The following ARB2A variants were observed in gnomAD, a reference collection of about 807,000 sequenced individuals.
ARB2A encodes cotranscriptional regulator ARB2A.
the ARB2A span, among the ~76,000 whole-genome samples, chr5:93,624,158 C>T: frequency 1.3e-5 from 2 of 152,056 alleles, no homozygotes; most frequent in African/African-American, 4.8e-5. Flanking sequence ...TAGACCATTA[C>T]ATTATTTGTT....
the ARB2A span, among the ~76,000 whole-genome samples, chr5:93,992,346 C>G: frequency 6.6e-6 from 1 of 151,938 alleles, no homozygotes; most frequent in South Asian, 2.1e-4. Context: ...TTATAAGGCT[C>G]TCACATTATA....
chr5:93,938,083 G>A, the ARB2A span, among the ~76,000 whole-genome samples: 11 of 152,184 alleles, frequency 7.2e-5, no homozygotes, highest in South Asian at 4.1e-4. Flanking sequence ...CCACTGCTCC[G>A]TGATATTTAT....
the ARB2A span, among the ~76,000 whole-genome samples, chr5:93,857,535 C>G: frequency 1.3e-5 from 2 of 152,194 alleles, no homozygotes; most frequent in African/African-American, 2.4e-5. Context: ...AGTTTGATCT[C>G]AGACTGCTGG....
chr5:94,108,329 T>C, the ARB2A span, among the ~76,000 whole-genome samples: 14 of 152,064 alleles, frequency 9.2e-5, no homozygotes, highest in Non-Finnish European at 1.2e-4. Context: ...ACTGTTTTCA[T>C]GGCAATTTGA....
the ARB2A span, among the ~76,000 whole-genome samples, chr5:94,086,837 G>A: frequency 6.6e-6 from 1 of 152,200 alleles, no homozygotes; most frequent in Non-Finnish European, 1.5e-5. Flanking sequence ...ACAGGAGTGA[G>A]CCACTGACCC....
At chr5:94,089,261 G>A in the ARB2A span, among the ~76,000 whole-genome samples, 27 of 152,240 alleles carry the variant, frequency 1.8e-4, no homozygotes, top group African/African-American at 4.8e-4. Flanking sequence ...TGTTTCAAGT[G>A]TCCTTTATTG....
the ARB2A span, among the ~76,000 whole-genome samples, chr5:93,931,773 C>G: frequency 4.6e-5 from 7 of 152,014 alleles, no homozygotes; most frequent in East Asian, 1.4e-3. Context: ...CTGAGAAGCC[C>G]CTATCATAAA....
the ARB2A span, among the ~76,000 whole-genome samples, chr5:94,033,258 C>T: frequency 6.6e-6 from 1 of 152,064 alleles, no homozygotes; most frequent in African/African-American, 2.4e-5. Context: ...GCCTGTTCTG[C>T]CATTGTATTT....
At chr5:93,682,830 T>C in the ARB2A span, 4 of 1,300,456 alleles carry the variant, frequency 3.1e-6, 1 homozygote, top group Admixed American at 6.7e-5. Flanking sequence ...TTGTTTAAAC[T>C]ATTTTCTTAA....
the ARB2A span, among the ~76,000 whole-genome samples, chr5:93,676,601 C>T: frequency 2.0e-5 from 3 of 152,130 alleles, no homozygotes; most frequent in African/African-American, 7.2e-5. Context: ...CTCATATGAA[C>T]AAATACCATA....
the ARB2A span, among the ~76,000 whole-genome samples, chr5:93,833,618 TTGAGCTGTCTA>T: frequency 6.6e-6 from 1 of 152,114 alleles, no homozygotes; most frequent in Admixed American, 6.5e-5. Flanking sequence ...CTAAAAGCAG[TTGAGCTGTCTA>T]TTGATGGTTG....
At chr5:93,932,915 T>A in the ARB2A span, among the ~76,000 whole-genome samples, 1 of 152,190 alleles carries the variant, frequency 6.6e-6, no homozygotes, top group Non-Finnish European at 1.5e-5. Flanking sequence ...GACAAAGGGC[T>A]AATATCCAGA....
chr5:93,939,231 T>C, the ARB2A span, among the ~76,000 whole-genome samples: 1 of 152,168 alleles, frequency 6.6e-6, no homozygotes, highest in Middle Eastern at 3.2e-3. Flanking sequence ...CATATTTCCA[T>C]GCATGTAGGC....
At chr5:93,996,526 C>A in the ARB2A span, among the ~76,000 whole-genome samples, 1 of 151,944 alleles carries the variant, frequency 6.6e-6, no homozygotes, top group Admixed American at 6.6e-5. Context: ...GTTCACAAAT[C>A]CAAGTCAGAT....
At chr5:94,040,264 G>A in the ARB2A span, among the ~76,000 whole-genome samples, 1 of 152,256 alleles carries the variant, frequency 6.6e-6, no homozygotes, top group African/African-American at 2.4e-5. Context: ...TGGGACATGG[G>A]GAGCTTTTTC....
the ARB2A span, among the ~76,000 whole-genome samples, chr5:93,940,732 T>C: frequency 7.9e-5 from 12 of 152,202 alleles, no homozygotes; most frequent in East Asian, 1.7e-3. Context: ...TTTGTAAATA[T>C]AATACATTTA....
At chr5:93,948,889 C>T in the ARB2A span, among the ~76,000 whole-genome samples, 1 of 152,174 alleles carries the variant, frequency 6.6e-6, no homozygotes, top group Non-Finnish European at 1.5e-5. Context: ...CCTTTCACCT[C>T]TAAGCAGTGA....
chr5:93,846,120 T>G, the ARB2A span, among the ~76,000 whole-genome samples: 1 of 152,200 alleles, frequency 6.6e-6, no homozygotes, highest in African/African-American at 2.4e-5. Context: ...TATTTGTCCA[T>G]GAGAGTCCTG....
At chr5:93,670,211 C>T in the ARB2A span, among the ~76,000 whole-genome samples, 1 of 152,192 alleles carries the variant, frequency 6.6e-6, no homozygotes, top group African/African-American at 2.4e-5. Flanking sequence ...CTTAAGTGGT[C>T]AGCTGCTTAC....
Sources: gnomAD v4.1 joint callset for allele counts (sites outside exome capture counted in the v4.1 genomes callset) on GRCh38, gnomAD v4.1.1 for gene constraint, MANE v1.5 for transcripts, NCBI Gene and HGNC (gene_info 2026-07-23, HGNC 2026-07-21) for gene names.